Variants in LY6H observed in about 807,000 individuals in gnomAD.
LY6H encodes the protein lymphocyte antigen 6H.
A neutral mutation model predicts 14.6 loss-of-function variants in LY6H; 8 were observed. That is an observed-to-expected ratio of 0.55 (90% CI 0.32 to 0.99). The LOEUF is 0.99. Among genes scored for constraint, LY6H ranks in the 50% least tolerant of loss-of-function variants. The pLI is 0.04. For missense variants in LY6H, 196 were observed against 219.6 expected (o/e 0.89, Z 0.68); for synonymous variants, 115 against 97.2 (o/e 1.18, Z -1.08).
In LY6H at chr8:143,159,676, G is replaced by A; in HGVS notation, c.36C>T (p.Pro12=). Reference sequence around the variant, plus strand: ...TCCGGGTGGGCCTGGGGGCGGCGCGGGGGCTTGGGGCGCGGGTCCTCTGGG... The same window carrying A: ...TCCGGGTGGGCCTGGGGGCGGCGCGAGGGCTTGGGGCGCGGGTCCTCTGGG... ...LAPQRTRAPS[P]RAAPRPTRSM... Residue 12 remains proline (P), a synonymous_variant, in exon 2 of 4, where the codon CCC becomes CCT. Transcript: ENST00000342752. 7.2e-7 allele frequency: 1 copy of A among 1,395,636 alleles called. No homozygotes were observed. Among genetic ancestry groups the A allele is most frequent in the Non-Finnish European group, 9.2e-7 (1 of 1,085,762 alleles). 86.5% of individuals were successfully genotyped at this position (1,395,636 alleles called of 1,614,324 possible). A position where few individuals can be genotyped will look rare whatever the true frequency, so the allele number is the denominator to read the frequency against.
At chr8:143,158,661 G>A in intron 3 of LY6H, 142 bp downstream of exon 3, 3 of 1,259,096 alleles carry the variant, frequency 2.4e-6, no homozygotes, top group South Asian at 2.9e-5. Context: ...AAGGAGCCAG[G>A]GGGGGACAGC....
intron 1 of LY6H, 93 bp from the exon 2 acceptor site, chr8:143,159,802 G>A (rs1815553311): frequency 3.9e-6 from 5 of 1,275,876 alleles, no homozygotes; most frequent in Non-Finnish European, 5.0e-6. Flanking sequence ...CAAGGCCGGG[G>A]TCCGCCCGGA....
intron 1 of LY6H, 190 bp from the exon 2 acceptor site, chr8:143,159,899 G>A: frequency 2.6e-6 from 3 of 1,160,490 alleles, no homozygotes; most frequent in Non-Finnish European, 3.3e-6. Flanking sequence ...TCTGGGGCGA[G>A]GTGACAGCTC....
At chr8:143,160,041 G>A (rs1466534551) in intron 1 of LY6H, 157 bp downstream of exon 1, 21 of 1,004,382 alleles carry the variant, frequency 2.1e-5, no homozygotes, top group Non-Finnish European at 2.7e-5. Flanking sequence ...ACCTGCCACT[G>A]GGGGGAGGGG....
chr8:143,160,054 C>A (rs1398390935), intron 1 of LY6H, 144 bp downstream of exon 1: 6 of 917,604 alleles, frequency 6.5e-6, no homozygotes, highest in Admixed American at 4.3e-5. Context: ...GGGAGGGGCG[C>A]GTGCCAGGTC....
Position 143,158,003 on chromosome 8 carries a change from C to T in LY6H, c.*247G>A, listed in dbSNP as rs958831103. On this transcript the variant is annotated 3_prime_UTR_variant, in exon 4 of 4. Coordinates refer to ENST00000342752, the MANE Select transcript of LY6H (RefSeq NM_001135655.2). ...CACTTCCCCTCCGGGACCTGGGGGT[C>T]CCCCCCCACCCTCATCCCCAGGCCT... 8.9e-6 allele frequency: 4 copies of T among 447,628 alleles called. No individual in the cohort carries two copies. The Admixed American group carries it at 1.2e-4, about 13-fold the overall frequency. The allele number at this position is 447,628 out of a possible 1,614,324, so 27.7% of individuals were successfully genotyped here.
Position 143,158,886 on chromosome 8 carries a change from G to A in LY6H, c.167C>T (p.Thr56Ile). 1.2e-6 allele frequency: 2 copies of A among 1,613,408 alleles called. No homozygotes were observed. The highest frequency in any genetic ancestry group is 1.7e-6 in the Non-Finnish European group (2 of 1,179,560). Residue 56 changes from threonine (T) to isoleucine (I), a missense_variant, in exon 3 of 4, where the codon ACC becomes ATC. Coordinates refer to ENST00000342752, the MANE Select transcript of LY6H (RefSeq NM_001135655.2). ...CTTTGGGGTGCAATGGCTGGAGTTG[G>A]TGGTCAGGGTGCAGTCCTGGCACCA... ...GLWCQDCTLTTNSSHCTPKQC... is the reference protein window; with the variant it reads ...GLWCQDCTLTINSSHCTPKQC...
intron 1 of LY6H, chr8:143,159,953 TG>T: frequency 8.2e-7 from 1 of 1,220,968 alleles, no homozygotes; most frequent in Non-Finnish European, 1.0e-6. Context: ...GGGGAGCGGA[TG>T]GGGGGCGTCC....
chr8:143,158,251 C>T lies in LY6H; in HGVS notation c.485G>A (p.Ter162=). Residue 162 remains the stop codon, a stop_retained_variant, in exon 4 of 4, where the codon TGA becomes TAA. Coordinates refer to ENST00000342752, the MANE Select transcript of LY6H (RefSeq NM_001135655.2). ...LGPALLWAGP[*] is the part of the protein sequence containing the mutation. ...AAGCCCCGTGGGAAGGAGGAGACAT[C>T]AGGGCCCAGCCCAGAGGAGGGCAGG... The T allele has an allele frequency of 6.2e-7, 1 of 1,608,048 alleles. No homozygotes were observed. Among genetic ancestry groups the T allele is most frequent in the African/African-American group, 1.3e-5 (1 of 74,766 alleles).
rs779191874 is a variant in LY6H, at chr8:143,158,794, C to T, written c.250+9G>A. 8.9e-6 allele frequency: 14 copies of T among 1,576,432 alleles called. No individual in the cohort carries two copies. Among genetic ancestry groups the T allele is most frequent in the Non-Finnish European group, 1.2e-5 (14 of 1,156,482 alleles). On this transcript the variant is annotated intron_variant, in intron 3 of 3. Transcript: ENST00000342752. ...AGCACATTCCCCACCACCCTAAGTC[C>T]CAACTTACTGCTGCTGGGATCGGTG... is the stretch of plus-strand genomic sequence containing the variant.
intron 2 of LY6H, 174 bp downstream of exon 2, chr8:143,159,404 CAGTG>C: frequency 1.5e-6 from 1 of 681,084 alleles, no homozygotes; most frequent in Non-Finnish European, 2.3e-6. Context: ...GGAGAGAGCC[CAGTG>C]CCGGGGCAGA....
At position 143,159,680 on chromosome 8, in the gene LY6H, CT is replaced by C; in HGVS notation, c.31del (p.Ser11AlafsTer17). 1 of 1,393,456 alleles carries C rather than the reference CT, an allele frequency of 7.2e-7. No individual in the cohort carries two copies. The highest frequency in any genetic ancestry group is 1.6e-5 in the South Asian group (1 of 62,460). 86.3% of individuals were successfully genotyped at this position (1,393,456 alleles called of 1,614,324 possible). A position where few individuals can be genotyped will look rare whatever the true frequency, so the allele number is the denominator to read the frequency against. ...GGTGGGCCTGGGGGCGGCGCGGGGG[CT>C]TGGGGCGCGGGTCCTCTGGGGCGCA... Reference protein sequence around the residue: MLAPQRTRAPSPRAAPRPTRS... With the variant: MLAPQRTRAPXPRAAPRPTRS... On this transcript the variant is annotated frameshift_variant, in exon 2 of 4. Transcript: ENST00000342752. LOFTEE classifies it high-confidence loss of function.
chr8:143,159,606 C>T lies in LY6H; in HGVS notation c.106G>A (p.Ala36Thr), dbSNP rs1035753288. Reference sequence around the variant, plus strand: ...CCGGGCGCCGAGCACAGCAGGACGGCCAGCAGCGCCAGGCCGAGGCCCTTC... The same window carrying T: ...CCGGGCGCCGAGCACAGCAGGACGGTCAGCAGCGCCAGGCCGAGGCCCTTC... ...AMKGLGLALL[A>T]VLLCSAPAHG... Residue 36 changes from alanine to threonine, a missense_variant, in exon 2 of 4, where the codon GCC becomes ACC. Coordinates refer to ENST00000342752, the MANE Select transcript of LY6H (RefSeq NM_001135655.2). 17 of 1,496,914 alleles carry T rather than the reference C, an allele frequency of 1.1e-5. No homozygotes were observed. Among genetic ancestry groups the T allele is most frequent in the Admixed American group, 8.6e-5 (4 of 46,756 alleles). 92.7% of individuals were successfully genotyped at this position (1,496,914 alleles called of 1,614,324 possible).
chr8:143,160,127 CCG>C, intron 1 of LY6H, 69 bp downstream of exon 1: 1 of 1,225,408 alleles, frequency 8.2e-7, no homozygotes, highest in Non-Finnish European at 1.0e-6. Flanking sequence ...CCTTGGCCTT[CCG>C]CGCGCGCCTC....
At chr8:143,159,739 C>T (rs1392437011) in intron 1 of LY6H, 30 bp from the exon 2 acceptor site, 6 of 1,338,206 alleles carry the variant, frequency 4.5e-6, no homozygotes, top group Non-Finnish European at 5.7e-6. Context: ...GTCAGGAGAC[C>T]CCAAAGACCC....
rs1022974794 is a variant in LY6H, at chr8:143,159,589, C to G, written c.123G>C (p.Ser41=). ...GLALLAVLLC[S]APAHGLWCQD... is the part of the protein sequence containing the mutation. ...CGCGGGCCCCCTACTCACCGGGCGCCGAGCACAGCAGGACGGCCAGCAGCG... is the reference window on the plus strand; with the variant it reads ...CGCGGGCCCCCTACTCACCGGGCGCGGAGCACAGCAGGACGGCCAGCAGCG... The change falls in exon 2 of 4, where the codon TCG becomes TCC. Residue 41 remains serine, a synonymous_variant. Transcript: ENST00000342752. 6.7e-7 allele frequency: 1 copy of G among 1,501,806 alleles called. No individual in the cohort carries two copies. Among genetic ancestry groups the G allele is most frequent in the Non-Finnish European group, 8.8e-7 (1 of 1,133,248 alleles). 93.0% of individuals were successfully genotyped at this position (1,501,806 alleles called of 1,614,324 possible). A position where few individuals can be genotyped will look rare whatever the true frequency, so the allele number is the denominator to read the frequency against.
At chr8:143,158,746 C>CCT in intron 3 of LY6H, 57 bp downstream of exon 3, 1 of 1,548,556 alleles carries the variant, frequency 6.5e-7, no homozygotes. Flanking sequence ...ACACCTCTGA[C>CCT]CTCTCTCAAG....
At chr8:143,160,064 C>A in intron 1 of LY6H, 134 bp downstream of exon 1, 2 of 884,110 alleles carry the variant, frequency 2.3e-6, no homozygotes, top group Non-Finnish European at 3.0e-6. Context: ...CGTGCCAGGT[C>A]CCCACCCCCA....
intron 1 of LY6H, 118 bp from the exon 2 acceptor site, chr8:143,159,827 AC>A (rs1815553801): frequency 8.3e-6 from 10 of 1,200,706 alleles, no homozygotes; most frequent in Non-Finnish European, 9.6e-6. Flanking sequence ...GCAGAGCCCC[AC>A]CCCCAGCCCC....
Sources: allele counts gnomAD v4.1 joint callset, GRCh38; gene constraint gnomAD v4.1.1; transcripts MANE v1.5; gene names NCBI Gene and HGNC (gene_info 2026-07-23, HGNC 2026-07-21).